Variants in RASSF3 observed in about 807,000 individuals in gnomAD.
RASSF3 encodes the protein Ras association domain family member 3.
In RASSF3, 19 loss-of-function variants were observed where a neutral mutation model predicts 19.9. That is an observed-to-expected ratio of 0.96 (90% confidence interval 0.67 to 1.40). The LOEUF (loss-of-function observed/expected upper bound fraction) is 1.40. Among genes scored for constraint, RASSF3 ranks in the 40% most tolerant of loss-of-function variants. The pLI is 0.00. For missense variants in RASSF3, 306 were observed against 289.8 expected, an observed-to-expected ratio of 1.06 and a Z score of -0.41; for synonymous variants, 110 against 104.2, an observed-to-expected ratio of 1.06 and a Z score of -0.34.
intron 2 of RASSF3, among the ~76,000 whole-genome samples, chr12:64,569,846 T>A (rs970534024): frequency 6.6e-6 from 1 of 152,116 alleles, no homozygotes; most frequent in Non-Finnish European, 1.5e-5. Flanking sequence ...ATGCCTGTAA[T>A]CCCAGCTACT....
At chr12:64,521,236 C>T (rs1033093469) in intron 1 of RASSF3, among the ~76,000 whole-genome samples, 1 of 152,188 alleles carries the variant, frequency 6.6e-6, no homozygotes, top group Admixed American at 6.5e-5. Context: ...CAGTTGTGCC[C>T]CTGTAGCAGG....
At chr12:64,637,408 A>G (rs1333782017) in intron 1 of RASSF3, among the ~76,000 whole-genome samples, 1 of 149,846 alleles carries the variant, frequency 6.7e-6, no homozygotes. Context: ...GGTGGGTAGT[A>G]TGAGTAGTTT....
intron 1 of RASSF3, among the ~76,000 whole-genome samples, chr12:64,641,530 T>C (rs1871529940): frequency 6.8e-6 from 1 of 146,354 alleles, no homozygotes; most frequent in African/African-American, 2.5e-5. Context: ...GGGTGGTGGC[T>C]CATGCCTGTA....
chr12:64,686,217 C>T (rs1278655628), intron 2 of RASSF3, among the ~76,000 whole-genome samples: 5 of 150,336 alleles, frequency 3.3e-5, no homozygotes, highest in African/African-American at 1.2e-4. Context: ...GAGACTAAAA[C>T]AGATACAAAT....
chr12:64,629,178 C>T (rs1456424696), intron 1 of RASSF3, among the ~76,000 whole-genome samples: 2 of 151,876 alleles, frequency 1.3e-5, no homozygotes, highest in Non-Finnish European at 2.9e-5. Context: ...CTTTGGCTCA[C>T]TGCAACCTCT....
At chr12:64,636,848 A>G (rs1206552656) in intron 1 of RASSF3, among the ~76,000 whole-genome samples, 1 of 150,292 alleles carries the variant, frequency 6.7e-6, no homozygotes, top group Non-Finnish European at 1.5e-5. Context: ...CTGGGCAACA[A>G]GAGCAAAACT....
chr12:64,670,866 T>G (rs1469169216), intron 1 of RASSF3, among the ~76,000 whole-genome samples: 2 of 152,212 alleles, frequency 1.3e-5, no homozygotes, highest in African/African-American at 4.8e-5. Context: ...TTGGCTTCAT[T>G]GGCTTTGAAT....
At chr12:64,566,580 G>T (rs1421400195) in intron 2 of RASSF3, among the ~76,000 whole-genome samples, 1 of 152,102 alleles carries the variant, frequency 6.6e-6, no homozygotes, top group Non-Finnish European at 1.5e-5. Context: ...AAGAGTAGAG[G>T]TGAAAAAGTA....
chr12:64,638,039 C>T (rs1871382255), intron 1 of RASSF3, among the ~76,000 whole-genome samples: 1 of 151,636 alleles, frequency 6.6e-6, no homozygotes, highest in Non-Finnish European at 1.5e-5. Context: ...ACCATGTTGG[C>T]CAGGATGGTC....
intron 1 of RASSF3, among the ~76,000 whole-genome samples, chr12:64,520,320 G>T (rs551696007): frequency 2.1e-4 from 32 of 151,824 alleles, no homozygotes; most frequent in South Asian, 4.2e-4. Context: ...ATGCCGCCAT[G>T]CCCGGCTAAT....
chr12:64,656,835 G>A (rs1444202043), intron 1 of RASSF3, among the ~76,000 whole-genome samples: 3 of 152,112 alleles, frequency 2.0e-5, no homozygotes, highest in South Asian at 4.1e-4. Context: ...GAAAAATTCT[G>A]ACATGGAATA....
intron 2 of RASSF3, among the ~76,000 whole-genome samples, chr12:64,567,001 G>A (rs1411692810): frequency 2.6e-5 from 4 of 152,180 alleles, no homozygotes; most frequent in Non-Finnish European, 5.9e-5. Context: ...CAGCAAACGC[G>A]GTGGTTCACT....
intron 1 of RASSF3, among the ~76,000 whole-genome samples, chr12:64,508,792 G>A (rs1592382835): frequency 6.6e-6 from 1 of 151,974 alleles, no homozygotes; most frequent in Non-Finnish European, 1.5e-5. Flanking sequence ...GCAGAAGCAG[G>A]AGAATTGCTC....
At chr12:64,627,046 CATT>C (rs1426153675) in intron 1 of RASSF3, among the ~76,000 whole-genome samples, 1 of 152,136 alleles carries the variant, frequency 6.6e-6, no homozygotes, top group Non-Finnish European at 1.5e-5. Flanking sequence ...ATCTTTAAAA[CATT>C]ATAGAGGGGT....
rs992898046 is a variant in RASSF3, at chr12:64,585,538, A to G, written c.294+43833A>G. Among the ~76,000 whole-genome samples the G allele has an allele frequency of 8.5e-5, 13 of 152,172 alleles. No individual in the cohort carries two copies. In the East Asian group the frequency reaches 1.9e-3, roughly 23 times the overall value. ...GATGCCAATGAGTGAAGAGGGGGGA[A>G]AATGAGAAGTTTCTTTCCCCACTGG... On this transcript the variant is annotated intron_variant, in intron 2 of 5. Coordinates refer to the RASSF3 transcript ENST00000637125.
rs769887317 is a variant in RASSF3 at position 64,584,500 on chromosome 12, T to TATG, written c.294+42796_294+42797insTGA. Among the ~76,000 whole-genome samples, 101 of 47,312 alleles carry TATG rather than the reference T, an allele frequency of 2.1e-3. 2 individuals are homozygous for TATG. In the Middle Eastern group the frequency reaches 0.048, roughly 22 times the overall value. The allele number at this position is 47,312 out of a possible 152,430, so 31.0% of individuals were successfully genotyped here. ...TGCCTTCTACAAAAGAGGTCCAGGC[T>TATG]AAGAAAAAAAAAAAAAAAAAAAAGC... is the stretch of plus-strand genomic sequence containing the variant. On this transcript the variant is annotated intron_variant, in intron 2 of 5. Transcript: ENST00000637125.
intron 2 of RASSF3, among the ~76,000 whole-genome samples, chr12:64,588,545 T>C (rs1211502937): frequency 2.6e-5 from 4 of 151,862 alleles, no homozygotes; most frequent in African/African-American, 4.8e-5. Flanking sequence ...TTTTTTCTTA[T>C]GATAAATGTA....
At chr12:64,558,907 A>T (rs1869299089) in intron 2 of RASSF3, among the ~76,000 whole-genome samples, 1 of 152,056 alleles carries the variant, frequency 6.6e-6, no homozygotes, top group African/African-American at 2.4e-5. Flanking sequence ...TAGTGTCAAC[A>T]TGACGCTGCA....
chr12:64,695,281 T>G lies in RASSF3; in HGVS notation c.*369T>G, dbSNP rs763152393. On this transcript the variant is annotated 3_prime_UTR_variant, in exon 5 of 5. Coordinates refer to ENST00000542104, the MANE Select transcript of RASSF3 (RefSeq NM_178169.4). ...ATATGCAGTTGATTTTTTAAAAAGC[T>G]TAACTAGGAATCTTTCTGAATACTT... 1 of 170,942 alleles carries G rather than the reference T, an allele frequency of 5.8e-6. No individual in the cohort carries two copies. Among genetic ancestry groups the G allele is most frequent in the Non-Finnish European group, 1.2e-5 (1 of 80,728 alleles). 10.6% of individuals were successfully genotyped at this position (170,942 alleles called of 1,614,324 possible).
Sources: allele counts gnomAD v4.1 joint callset (sites outside exome capture counted in the v4.1 genomes callset), GRCh38; gene constraint gnomAD v4.1.1; transcripts MANE v1.5; gene names NCBI Gene and HGNC (gene_info 2026-07-23, HGNC 2026-07-21).